The following IL1RAPL2 variants were observed in gnomAD, a reference collection of about 807,000 sequenced individuals.
The protein encoded by IL1RAPL2 is interleukin 1 receptor accessory protein like 2, also known as X-linked interleukin-1 receptor accessory protein-like 2.
Under a neutral mutation model 44.1 loss-of-function variants are expected in IL1RAPL2, and 3 were observed. The observed-to-expected ratio is 0.07, with a 90% CI of 0.03 to 0.18. The LOEUF is 0.18. Ranked by LOEUF, IL1RAPL2 falls within the 10% of genes least tolerant of loss-of-function variation. The pLI is 1.00. For synonymous variants in IL1RAPL2, 181 were observed against 178.8 expected (o/e 1.01, Z -0.10); for missense variants, 391 against 496.4 (o/e 0.79, Z 2.02).
chrX:105,123,121 A>T (rs1229374575), intron 2 of IL1RAPL2, among the ~76,000 whole-genome samples: 1 of 111,148 alleles, frequency 9.0e-6, no homozygotes, highest in Admixed American at 9.6e-5. Flanking sequence ...GGTGAAAAGG[A>T]TATAGGATTA....
chrX:105,487,365 T>G (rs1200508747), intron 6 of IL1RAPL2, among the ~76,000 whole-genome samples: 4 of 111,626 alleles, frequency 3.6e-5, no homozygotes, highest in Admixed American at 9.6e-5. Flanking sequence ...CTAACATAGA[T>G]ATATATGCCA....
chrX:104,585,378 AATATATATT>A (rs1928535299), intron 1 of IL1RAPL2, among the ~76,000 whole-genome samples: 1 of 23,250 alleles, frequency 4.3e-5, no homozygotes, highest in Non-Finnish European at 6.3e-5. Flanking sequence ...TATTATATAT[AATATATATT>A]ATATATAATA....
chrX:104,697,106 G>A (rs1223609330), intron 2 of IL1RAPL2, among the ~76,000 whole-genome samples: 1 of 112,412 alleles, frequency 8.9e-6, no homozygotes, highest in Non-Finnish European at 1.9e-5. Context: ...TTAATAATGA[G>A]CTCCCCTAAC....
At chrX:104,726,988 A>T (rs1211492246) in intron 2 of IL1RAPL2, among the ~76,000 whole-genome samples, 5 of 108,852 alleles carry the variant, frequency 4.6e-5, no homozygotes, top group East Asian at 2.9e-4. Flanking sequence ...CTGAAAATTA[A>T]AAAAAAAAAT....
chrX:105,201,017 G>T (rs2033713408), intron 3 of IL1RAPL2, among the ~76,000 whole-genome samples: 1 of 111,149 alleles, frequency 9.0e-6, no homozygotes, highest in Non-Finnish European at 1.9e-5. Context: ...ATCAGTTAGA[G>T]GTTCAAAATT....
At chrX:104,898,080 G>C (rs1330419755) in intron 2 of IL1RAPL2, among the ~76,000 whole-genome samples, 1 of 111,691 alleles carries the variant, frequency 9.0e-6, no homozygotes, top group African/African-American at 3.3e-5. Context: ...TATCATTGAC[G>C]GAGAGATTGG....
chrX:104,909,285 T>A (rs2147681516), intron 2 of IL1RAPL2, among the ~76,000 whole-genome samples: 1 of 111,924 alleles, frequency 8.9e-6, no homozygotes, highest in Non-Finnish European at 1.9e-5. Flanking sequence ...TGCCTTTGGT[T>A]TGAATGTCCT....
intron 5 of IL1RAPL2, among the ~76,000 whole-genome samples, chrX:105,479,459 G>C (rs1233584308): frequency 9.0e-6 from 1 of 111,090 alleles, no homozygotes; most frequent in African/African-American, 3.3e-5. Context: ...GGCAGGAAAG[G>C]CTGGGCACCG....
At chrX:105,528,636 C>A (rs1051784023) in intron 6 of IL1RAPL2, among the ~76,000 whole-genome samples, 2 of 111,308 alleles carry the variant, frequency 1.8e-5, no homozygotes, top group Non-Finnish European at 3.8e-5. Flanking sequence ...TCTACATACA[C>A]GGGTATGTCT....
At chrX:104,945,173 TA>T (rs1265563135) in intron 2 of IL1RAPL2, among the ~76,000 whole-genome samples, 5 of 110,921 alleles carry the variant, frequency 4.5e-5, no homozygotes, top group Non-Finnish European at 9.4e-5. Flanking sequence ...GGCTGTGACA[TA>T]AGGTAATTGA....
intron 6 of IL1RAPL2, among the ~76,000 whole-genome samples, chrX:105,575,651 TA>T (rs1277541911): frequency 8.9e-6 from 1 of 112,394 alleles, no homozygotes; most frequent in African/African-American, 3.2e-5. Flanking sequence ...CACGTGTCTT[TA>T]TGGTACAGCA....
intron 3 of IL1RAPL2, among the ~76,000 whole-genome samples, chrX:105,232,018 AT>A (rs1221515072): frequency 2.7e-5 from 3 of 112,099 alleles, no homozygotes; most frequent in Non-Finnish European, 5.6e-5. Flanking sequence ...CAGTGGGCAT[AT>A]CTTATGACCT....
intron 6 of IL1RAPL2, among the ~76,000 whole-genome samples, chrX:105,515,109 G>T (rs2036502944): frequency 9.0e-6 from 1 of 111,695 alleles, no homozygotes; most frequent in African/African-American, 3.3e-5. Flanking sequence ...CCATGAGTTT[G>T]TAGCCATTTC....
chrX:104,885,859 G>T (rs1051371676), intron 2 of IL1RAPL2, among the ~76,000 whole-genome samples: 7 of 113,106 alleles, frequency 6.2e-5, no homozygotes, highest in Non-Finnish European at 1.1e-4. Context: ...GCTATGCTGA[G>T]GCAATCACTG....
chrX:105,752,956 A>G (rs1466590670), intron 9 of IL1RAPL2: 2 of 328,876 alleles, frequency 6.1e-6, no homozygotes, highest in African/African-American at 5.3e-5. Flanking sequence ...CATTTTTTCA[A>G]CGAATGGTGT....
chrX:105,120,216 T>C (rs770878602), intron 2 of IL1RAPL2, among the ~76,000 whole-genome samples: 49 of 106,574 alleles, frequency 4.6e-4, no homozygotes, highest in Non-Finnish European at 8.1e-4. Flanking sequence ...ACCTGTATGA[T>C]ACATACTAGA....
At chrX:104,898,520 T>G (rs1319337152) in intron 2 of IL1RAPL2, among the ~76,000 whole-genome samples, 2 of 112,817 alleles carry the variant, frequency 1.8e-5, no homozygotes, top group Non-Finnish European at 3.8e-5. Context: ...GGGGTTAACC[T>G]TTTTCTGCAT....
chrX:104,880,395 T>C (rs1375296385), intron 2 of IL1RAPL2, among the ~76,000 whole-genome samples: 1 of 111,819 alleles, frequency 8.9e-6, no homozygotes, highest in African/African-American at 3.3e-5. Context: ...GCATATAGCC[T>C]CTGCAGTGGT....
At chrX:104,911,511 T>C (rs745877242) in intron 2 of IL1RAPL2, among the ~76,000 whole-genome samples, 1 of 111,422 alleles carries the variant, frequency 9.0e-6, no homozygotes, top group South Asian at 3.8e-4. Flanking sequence ...CTTAAACATA[T>C]CTCAAATCTG....
Sources: allele counts gnomAD v4.1 joint callset (sites outside exome capture counted in the v4.1 genomes callset), GRCh38; gene constraint gnomAD v4.1.1; transcripts MANE v1.5; gene names NCBI Gene and HGNC (gene_info 2026-07-23, HGNC 2026-07-21).